ITGA2: variants seen among roughly 807,000 people sequenced by gnomAD.
ITGA2 encodes the protein integrin alpha-2.
Under a neutral mutation model 146.3 loss-of-function variants are expected in ITGA2, and 101 were observed. That is an observed-to-expected ratio of 0.69 (90% CI 0.59 to 0.81). ITGA2 has a LOEUF of 0.81. Ranked by LOEUF, ITGA2 falls within the 40% of genes least tolerant of loss-of-function variation. The pLI is 0.00. For synonymous variants in ITGA2, 477 were observed against 487.1 expected (o/e 0.98, Z 0.27); for missense variants, 1,281 against 1,402.7 (o/e 0.91, Z 1.39).
At chr5:53,052,802 C>A (rs2111930085) in intron 7 of ITGA2, among the ~76,000 whole-genome samples, 2 of 152,216 alleles carry the variant, frequency 1.3e-5, no homozygotes, top group East Asian at 3.9e-4. Context: ...CCTATTTTTT[C>A]TTCACTAAAC....
At chr5:52,996,450 A>G (rs1741258977) in intron 1 of ITGA2, among the ~76,000 whole-genome samples, 3 of 152,188 alleles carry the variant, frequency 2.0e-5, no homozygotes, top group African/African-American at 7.2e-5. Flanking sequence ...TAGAAGCTGC[A>G]GGTTATCATG....
chr5:52,992,072 C>T (rs962735542), intron 1 of ITGA2, among the ~76,000 whole-genome samples: 1 of 152,158 alleles, frequency 6.6e-6, no homozygotes, highest in African/African-American at 2.4e-5. Context: ...CTCTTCAGTG[C>T]ACGTCTTCAA....
At chr5:53,065,226 T>C in intron 14 of ITGA2, 111 bp downstream of exon 14, 2 of 1,071,178 alleles carry the variant, frequency 1.9e-6, no homozygotes. Context: ...GTAACTTCAT[T>C]CTTTCACTCA....
intron 1 of ITGA2, among the ~76,000 whole-genome samples, chr5:53,014,726 C>G (rs1290944804): frequency 6.6e-6 from 1 of 152,058 alleles, no homozygotes; most frequent in East Asian, 1.9e-4. Flanking sequence ...TTCGTCTGGT[C>G]CTGGGCTTTT....
intron 2 of ITGA2, among the ~76,000 whole-genome samples, chr5:53,028,247 G>T (rs992072392): frequency 1.3e-5 from 2 of 152,206 alleles, no homozygotes; most frequent in Non-Finnish European, 2.9e-5. Context: ...TCCCCTGAGA[G>T]GGCAGCATTT....
intron 1 of ITGA2, among the ~76,000 whole-genome samples, chr5:53,008,578 A>G (rs1454084828): frequency 6.6e-6 from 1 of 152,100 alleles, no homozygotes; most frequent in Non-Finnish European, 1.5e-5. Flanking sequence ...ATATATGGAC[A>G]CACTGTAAAA....
At chr5:53,062,982 T>TTTCTTTCCA in intron 13 of ITGA2, 53 bp downstream of exon 13, 1 of 1,455,562 alleles carries the variant, frequency 6.9e-7, no homozygotes, top group Non-Finnish European at 9.5e-7. Context: ...ACTGGTAATT[T>TTTCTTTCCA]AACTTGCATT....
intron 7 of ITGA2, 49 bp from the exon 8 acceptor site, chr5:53,055,489 T>G (rs1235061996): frequency 1.3e-6 from 2 of 1,572,156 alleles, no homozygotes; most frequent in Non-Finnish European, 8.7e-7. Context: ...GTTCTCATAT[T>G]AACTTCATAT....
chr5:53,022,477 T>C (rs1232402483), intron 1 of ITGA2, among the ~76,000 whole-genome samples: 3 of 152,218 alleles, frequency 2.0e-5, no homozygotes, highest in African/African-American at 7.2e-5. Context: ...GAGAATAAAT[T>C]TCATATTTAC....
intron 19 of ITGA2, 50 bp from the exon 20 acceptor site, chr5:53,073,067 CT>C: frequency 6.3e-7 from 1 of 1,583,116 alleles, no homozygotes; most frequent in Non-Finnish European, 8.7e-7. Context: ...AAATACTGGC[CT>C]TTTTATTTAA....
chr5:53,075,031 T>G lies in ITGA2; in HGVS notation c.2665-30T>G. ...GTTGGCCTCTGAGTATGAAGCATCA[T>G]AGACTGAGAAATTTTAATTTTGTCT... On this transcript the variant is annotated intron_variant, in intron 21 of 29. Transcript: ENST00000296585. 3 of 1,478,736 alleles carry G rather than the reference T, an allele frequency of 2.0e-6. No homozygotes were observed. In the South Asian group the frequency reaches 3.4e-5, roughly 17 times the overall value. 91.6% of individuals were successfully genotyped at this position (1,478,736 alleles called of 1,614,324 possible). A position where few individuals can be genotyped will look rare whatever the true frequency, so the allele number is the denominator to read the frequency against.
chr5:53,060,777 G>A, intron 11 of ITGA2, 124 bp from the exon 12 acceptor site: 3 of 883,832 alleles, frequency 3.4e-6, no homozygotes, highest in South Asian at 2.7e-5. Flanking sequence ...ATGTATTCAG[G>A]AGCACTAGAA....
At chr5:53,005,376 G>A (rs557231497) in intron 1 of ITGA2, among the ~76,000 whole-genome samples, 15 of 152,192 alleles carry the variant, frequency 9.9e-5, no homozygotes, top group Middle Eastern at 3.4e-3. Context: ...GAGGTGAGGA[G>A]TTTGAGACCA....
At position 53,071,259 on chromosome 5, in the gene ITGA2, G is replaced by GA. The variant is rs3212577; in HGVS notation, c.2236-673dup. ...TGACAATTTTATAGATTCCTTAAAG[G>GA]AAAAAATCTTATTTCCCTTCTCTCC... On this transcript the variant is annotated intron_variant, in intron 17 of 29. Coordinates refer to ENST00000296585, the MANE Select transcript of ITGA2 (RefSeq NM_002203.4). Among the ~76,000 whole-genome samples the GA allele has an allele frequency of 7.8e-3, 1,182 of 151,900 alleles. 13 individuals carry two copies. The highest frequency in any genetic ancestry group is 0.026 in the African/African-American group (1,064 of 41,492).
intron 2 of ITGA2, among the ~76,000 whole-genome samples, chr5:53,033,980 AT>A (rs947391919): frequency 1.3e-5 from 2 of 151,902 alleles, no homozygotes; most frequent in African/African-American, 4.8e-5. Context: ...GGCCAGGCTG[AT>A]CTCGAACTCC....
At chr5:53,088,893 C>A (rs1351508606) in intron 28 of ITGA2, 1 of 151,982 alleles carries the variant, frequency 6.6e-6, no homozygotes, top group Non-Finnish European at 1.5e-5. Flanking sequence ...GAATGCCTGG[C>A]CCACTTAAAA....
chr5:53,079,091 C>T lies in ITGA2; in HGVS notation c.2928+217C>T, dbSNP rs181425904. Among the ~76,000 whole-genome samples the T allele has an allele frequency of 1.0e-3, 158 of 152,250 alleles. 1 individual carries two copies. Among genetic ancestry groups the T allele is most frequent in the African/African-American group, 2.1e-3 (87 of 41,564 alleles). The stretch of plus-strand genomic sequence containing the variant: ...TCAGTAGGTCTAGGGTGGGCCTACA[C>T]ATTTGCATATCTAACAAGCTCCCAG... On this transcript the variant is annotated intron_variant, in intron 24 of 29. Coordinates refer to ENST00000296585, the MANE Select transcript of ITGA2 (RefSeq NM_002203.4).
chr5:53,061,795 C>T (rs1457200557), intron 12 of ITGA2, among the ~76,000 whole-genome samples: 1 of 151,892 alleles, frequency 6.6e-6, no homozygotes, highest in Admixed American at 6.6e-5. Context: ...CTTCTTTAAG[C>T]TGGAGAAACT....
Position 53,090,583 on chromosome 5 carries a change from C to G in ITGA2, c.3530C>G (p.Thr1177Arg), listed in dbSNP as rs763892762. The G allele has an allele frequency of 6.2e-7, 1 of 1,613,986 alleles. No individual in the cohort carries two copies. The highest frequency in any genetic ancestry group is 8.5e-7 in the Non-Finnish European group (1 of 1,179,902). Residue 1177 changes from threonine to arginine, a missense_variant, in exon 30 of 30, where the codon ACA becomes AGA. Coordinates refer to ENST00000296585, the MANE Select transcript of ITGA2 (RefSeq NM_002203.4). ...AATCCAGATGAGATTGATGAGACCA[C>G]AGAGCTCAGTAGCTGAACCAGCAGA... Reference protein sequence around the residue: ...TKNPDEIDETTELSS With the variant: ...TKNPDEIDETRELSS
Sources: gnomAD v4.1 joint callset for allele counts (sites outside exome capture counted in the v4.1 genomes callset) on GRCh38, gnomAD v4.1.1 for gene constraint, MANE v1.5 for transcripts, NCBI Gene and HGNC (gene_info 2026-07-23, HGNC 2026-07-21) for gene names.